Variants in LOC128462377 observed in about 807,000 individuals in gnomAD.
the LOC128462377 span, among the ~76,000 whole-genome samples, chr16:89,385,194 T>C: frequency 6.7e-6 from 1 of 150,264 alleles, no homozygotes; most frequent in African/African-American, 2.5e-5. Context: ...TGGTGTTTTT[T>C]TGTTTGTTTG....
the LOC128462377 span, among the ~76,000 whole-genome samples, chr16:89,393,490 C>CT: frequency 0.043 from 5,018 of 116,992 alleles, 125 homozygotes; most frequent in African/African-American, 0.054. Flanking sequence ...TATCCAGCTG[C>CT]TTTTTTTTTT....
the LOC128462377 span, among the ~76,000 whole-genome samples, chr16:89,353,214 C>T: frequency 2.6e-5 from 4 of 151,886 alleles, no homozygotes; most frequent in Non-Finnish European, 4.4e-5. Context: ...TGGTGGCAGA[C>T]GCCTATAATC....
At chr16:89,394,521 G>A in the LOC128462377 span, among the ~76,000 whole-genome samples, 5 of 152,000 alleles carry the variant, frequency 3.3e-5, 1 homozygote, top group South Asian at 4.1e-4. Context: ...CCAGCTACTC[G>A]GGAGGCTGAG....
chr16:89,350,614 A>C, the LOC128462377 span, among the ~76,000 whole-genome samples: 3 of 152,260 alleles, frequency 2.0e-5, no homozygotes, highest in Non-Finnish European at 4.4e-5. Flanking sequence ...GACCGAAAGC[A>C]CATCAGCATC....
chr16:89,394,968 CCT>C, the LOC128462377 span, among the ~76,000 whole-genome samples: 2 of 152,182 alleles, frequency 1.3e-5, no homozygotes, highest in Non-Finnish European at 2.9e-5. Flanking sequence ...GAGAGAACCC[CCT>C]GTTAAAAAGA....
chr16:89,332,058 G>A, the LOC128462377 span, among the ~76,000 whole-genome samples: 98 of 152,156 alleles, frequency 6.4e-4, no homozygotes, highest in African/African-American at 2.3e-3. Flanking sequence ...AGGCTGAGGT[G>A]GAAGGGATCA....
chr16:89,350,947 T>C, the LOC128462377 span, among the ~76,000 whole-genome samples: 1 of 152,214 alleles, frequency 6.6e-6, no homozygotes, highest in African/African-American at 2.4e-5. Context: ...GGCTCTACCA[T>C]GTAGCTTAGG....
At chr16:89,342,341 A>G in the LOC128462377 span, among the ~76,000 whole-genome samples, 1 of 152,240 alleles carries the variant, frequency 6.6e-6, no homozygotes, top group Non-Finnish European at 1.5e-5. Context: ...GATGCAGCCC[A>G]TTTCACCTGA....
chr16:89,332,512 C>T, the LOC128462377 span, among the ~76,000 whole-genome samples: 28 of 152,218 alleles, frequency 1.8e-4, no homozygotes, highest in Admixed American at 1.4e-3. Context: ...AAAACAGCCT[C>T]GTCTGCTCAC....
At chr16:89,352,704 A>C in the LOC128462377 span, among the ~76,000 whole-genome samples, 2 of 152,210 alleles carry the variant, frequency 1.3e-5, no homozygotes, top group Non-Finnish European at 2.9e-5. Flanking sequence ...TCACCAGTTT[A>C]TTGAAGCCTC....
chr16:89,352,644 T>C, the LOC128462377 span, among the ~76,000 whole-genome samples: 1 of 152,192 alleles, frequency 6.6e-6, no homozygotes, highest in Non-Finnish European at 1.5e-5. Context: ...CTCTGTCCGC[T>C]CCACTCATCA....
chr16:89,417,054 T>A, the LOC128462377 span, among the ~76,000 whole-genome samples: 2 of 152,184 alleles, frequency 1.3e-5, no homozygotes, highest in African/African-American at 4.8e-5. Context: ...TCCCACAGAT[T>A]AAGAGAAGAC....
chr16:89,391,183 G>C, the LOC128462377 span, among the ~76,000 whole-genome samples: 3 of 148,950 alleles, frequency 2.0e-5, no homozygotes, highest in African/African-American at 7.5e-5. Flanking sequence ...AGCCGAGATC[G>C]CGCCACTGAA....
chr16:89,378,537 C>T, the LOC128462377 span, among the ~76,000 whole-genome samples: 1 of 152,124 alleles, frequency 6.6e-6, no homozygotes, highest in African/African-American at 2.4e-5. Flanking sequence ...GCTAAATGTA[C>T]GTGCTATAAG....
At chr16:89,403,720 A>T in the LOC128462377 span, 1 of 152,242 alleles carries the variant, frequency 6.6e-6, no homozygotes. Flanking sequence ...ACTTGAGGCC[A>T]TAAGTTTGAG....
At chr16:89,376,030 C>G in the LOC128462377 span, among the ~76,000 whole-genome samples, 1 of 152,204 alleles carries the variant, frequency 6.6e-6, no homozygotes, top group Non-Finnish European at 1.5e-5. Flanking sequence ...AAAAAAAGAA[C>G]AGGACATCCG....
the LOC128462377 span, among the ~76,000 whole-genome samples, chr16:89,406,128 A>C: frequency 2.0e-5 from 3 of 151,838 alleles, no homozygotes; most frequent in Admixed American, 1.3e-4. Flanking sequence ...AAAAAAAAAA[A>C]ACCTTCAGCC....
At chr16:89,408,647 C>T in the LOC128462377 span, among the ~76,000 whole-genome samples, 3 of 152,096 alleles carry the variant, frequency 2.0e-5, no homozygotes, top group Admixed American at 2.0e-4. Flanking sequence ...GCTACAGCAG[C>T]CCCTCCTCGC....
chr16:89,340,767 G>A, the LOC128462377 span, among the ~76,000 whole-genome samples: 1 of 152,312 alleles, frequency 6.6e-6, no homozygotes, highest in Admixed American at 6.5e-5. Flanking sequence ...CTTGGAAGAG[G>A]CACAAGGGCC....
Sources: allele counts gnomAD v4.1 joint callset (sites outside exome capture counted in the v4.1 genomes callset), GRCh38; gene constraint gnomAD v4.1.1; transcripts MANE v1.5.